The following TNFSF4 variants were observed in gnomAD, a reference collection of about 807,000 sequenced individuals.
TNFSF4 encodes TNF superfamily member 4.
A neutral mutation model predicts 7.3 loss-of-function variants in TNFSF4; 4 were observed. The ratio of observed to expected loss-of-function variants is 0.55; its 90% CI spans 0.27 to 1.25. The LOEUF is 1.25. Ranked by LOEUF, TNFSF4 falls within the 50% of genes most tolerant of loss-of-function variation. The pLI is 0.12. For missense variants in TNFSF4, 181 were observed against 208.8 expected (o/e 0.87, Z 0.82); for synonymous variants, 76 against 83.7 (o/e 0.91, Z 0.50).
chr1:173,353,442 T>C, the TNFSF4 span, among the ~76,000 whole-genome samples: 1 of 152,180 alleles, frequency 6.6e-6, no homozygotes, highest in African/African-American at 2.4e-5. Context: ...CATGTGCCTG[T>C]GTGTGTGCAT....
intron 1 of TNFSF4, among the ~76,000 whole-genome samples, chr1:173,203,461 ACTT>A (rs763963422): frequency 5.3e-5 from 8 of 152,234 alleles, no homozygotes; most frequent in Non-Finnish European, 1.2e-4. Context: ...TTAAAAAAGA[ACTT>A]CTAAAAACTT....
At chr1:173,444,056 C>T in the TNFSF4 span, among the ~76,000 whole-genome samples, 12 of 152,328 alleles carry the variant, frequency 7.9e-5, no homozygotes, top group South Asian at 4.1e-4. Context: ...AGACACAAAA[C>T]ACAACACTAC....
the TNFSF4 span, among the ~76,000 whole-genome samples, chr1:173,427,313 G>A: frequency 3.9e-5 from 6 of 152,120 alleles, no homozygotes; most frequent in Admixed American, 1.3e-4. Flanking sequence ...GCAATGTCTG[G>A]AGATACTTTT....
the TNFSF4 span, among the ~76,000 whole-genome samples, chr1:173,438,294 G>A: frequency 2.0e-5 from 3 of 152,156 alleles, no homozygotes; most frequent in Admixed American, 2.0e-4. Context: ...CTTCATACAG[G>A]TCTAGCAAGT....
chr1:173,419,163 C>A, the TNFSF4 span, among the ~76,000 whole-genome samples: 2 of 152,148 alleles, frequency 1.3e-5, no homozygotes, highest in Non-Finnish European at 1.5e-5. Context: ...CACGGTGAAA[C>A]CCCATCTCTA....
chr1:173,359,822 G>C, the TNFSF4 span, among the ~76,000 whole-genome samples: 1 of 152,190 alleles, frequency 6.6e-6, no homozygotes, highest in Admixed American at 6.5e-5. Context: ...TACTGCACAC[G>C]GGGGCAAATG....
chr1:173,250,470 T>TG, the TNFSF4 span, among the ~76,000 whole-genome samples: 4 of 150,824 alleles, frequency 2.7e-5, no homozygotes, highest in Non-Finnish European at 5.9e-5. Flanking sequence ...TTTGTTTTTT[T>TG]TTTTTTTGAG....
chr1:173,285,330 G>A, the TNFSF4 span, among the ~76,000 whole-genome samples: 4 of 152,140 alleles, frequency 2.6e-5, no homozygotes, highest in Non-Finnish European at 5.9e-5. Context: ...GAATGAATGA[G>A]CAAATGAGGT....
the TNFSF4 span, among the ~76,000 whole-genome samples, chr1:173,391,560 T>C: frequency 0.015 from 2,353 of 151,816 alleles, 69 homozygotes; most frequent in African/African-American, 0.054. Context: ...CTGAATCCAC[T>C]GTGACCCTGT....
chr1:173,407,244 G>T, the TNFSF4 span, among the ~76,000 whole-genome samples: 3 of 152,054 alleles, frequency 2.0e-5, no homozygotes, highest in Non-Finnish European at 4.4e-5. Flanking sequence ...CCTGAGGGTA[G>T]ATCAAGGTAA....
At chr1:173,372,914 T>C in the TNFSF4 span, among the ~76,000 whole-genome samples, 67 of 152,274 alleles carry the variant, frequency 4.4e-4, no homozygotes, top group African/African-American at 1.5e-3. Context: ...TATATACCGA[T>C]GGAAGTTCAT....
chr1:173,321,276 TGCA>T, the TNFSF4 span, among the ~76,000 whole-genome samples: 1 of 152,326 alleles, frequency 6.6e-6, no homozygotes, highest in African/African-American at 2.4e-5. Flanking sequence ...GCTAGCCATA[TGCA>T]GAAAACTGAA....
At chr1:173,256,911 T>G in the TNFSF4 span, among the ~76,000 whole-genome samples, 1 of 152,246 alleles carries the variant, frequency 6.6e-6, no homozygotes, top group African/African-American at 2.4e-5. Flanking sequence ...AGTTCCATTG[T>G]GGTTTAAATA....
At chr1:173,227,421 T>C in the TNFSF4 span, among the ~76,000 whole-genome samples, 1 of 152,184 alleles carries the variant, frequency 6.6e-6, no homozygotes, top group African/African-American at 2.4e-5. Context: ...CTGGTCTAGT[T>C]ATAAATTATC....
At chr1:173,251,774 T>C in the TNFSF4 span, among the ~76,000 whole-genome samples, 1 of 152,224 alleles carries the variant, frequency 6.6e-6, no homozygotes, top group African/African-American at 2.4e-5. Flanking sequence ...TGTTAGTTCT[T>C]ATGGTTATTG....
chr1:173,344,738 G>A, the TNFSF4 span, among the ~76,000 whole-genome samples: 7 of 152,258 alleles, frequency 4.6e-5, no homozygotes, highest in East Asian at 1.2e-3. Flanking sequence ...TGGAGACCAA[G>A]TTCATTACGA....
intron 1 of TNFSF4, among the ~76,000 whole-genome samples, chr1:173,204,181 C>T (rs1465406256): frequency 6.6e-6 from 1 of 152,184 alleles, no homozygotes; most frequent in Non-Finnish European, 1.5e-5. Flanking sequence ...TATACTAACT[C>T]ACATTTTGTA....
chr1:173,244,601 C>CA, the TNFSF4 span, among the ~76,000 whole-genome samples: 1 of 140,740 alleles, frequency 7.1e-6, no homozygotes, highest in African/African-American at 2.8e-5. Context: ...GAGATCCCGC[C>CA]ACTGCACTCC....
chr1:173,302,570 G>A, the TNFSF4 span, among the ~76,000 whole-genome samples: 182 of 151,930 alleles, frequency 1.2e-3, 2 homozygotes, highest in African/African-American at 4.2e-3. Flanking sequence ...GTAGACTACT[G>A]GTATGTGAAG....
Sources: gnomAD v4.1 joint callset for allele counts (sites outside exome capture counted in the v4.1 genomes callset) on GRCh38, gnomAD v4.1.1 for gene constraint, MANE v1.5 for transcripts, NCBI Gene and HGNC (gene_info 2026-07-23, HGNC 2026-07-21) for gene names.